HTR2C: variants seen among roughly 807,000 people sequenced by gnomAD.
HTR2C encodes 5-hydroxytryptamine receptor 2C.
HTR2C carries 5 observed loss-of-function variants against 21.0 expected under a neutral mutation model. The ratio of observed to expected loss-of-function variants is 0.24; its 90% CI spans 0.12 to 0.50. The LOEUF is 0.50. Ranked by LOEUF, HTR2C falls within the 20% of genes least tolerant of loss-of-function variation. HTR2C has a pLI of 0.98. For missense variants in HTR2C, 271 were observed against 371.2 expected (o/e 0.73, Z 2.22); for synonymous variants, 150 against 145.3 (o/e 1.03, Z -0.23).
At chrX:114,623,769 T>C (rs782769387) in intron 2 of HTR2C, among the ~76,000 whole-genome samples, 1 of 111,167 alleles carries the variant, frequency 9.0e-6, no homozygotes, top group Admixed American at 9.6e-5. Flanking sequence ...TCTCTTCCTA[T>C]AATTTGTCTC....
intron 4 of HTR2C, among the ~76,000 whole-genome samples, chrX:114,791,784 C>T (rs1456994530): frequency 9.0e-6 from 1 of 110,805 alleles, no homozygotes; most frequent in Non-Finnish European, 1.9e-5. Flanking sequence ...CACACACACG[C>T]ACACACACAA....
chrX:114,841,014 T>G (rs1556465425), intron 4 of HTR2C, among the ~76,000 whole-genome samples: 3 of 111,988 alleles, frequency 2.7e-5, no homozygotes, highest in Non-Finnish European at 5.6e-5. Context: ...TCAGTCTGTA[T>G]CTTGACATAT....
At chrX:114,725,701 T>C (rs1933432391) in intron 2 of HTR2C, among the ~76,000 whole-genome samples, 1 of 110,595 alleles carries the variant, frequency 9.0e-6, no homozygotes, top group African/African-American at 3.3e-5. Flanking sequence ...TTGGTGTGGA[T>C]GTCCTTTCTG....
At chrX:114,669,005 T>C (rs1477662529) in intron 2 of HTR2C, among the ~76,000 whole-genome samples, 1 of 111,364 alleles carries the variant, frequency 9.0e-6, no homozygotes, top group Admixed American at 9.6e-5. Flanking sequence ...GAATAGATAC[T>C]TTCTTTCAAA....
intron 1 of HTR2C, among the ~76,000 whole-genome samples, chrX:114,597,914 G>A (rs1389959547): frequency 8.9e-6 from 1 of 111,753 alleles, no homozygotes; most frequent in Admixed American, 9.5e-5. Flanking sequence ...GAATATTAAT[G>A]ATGAAACTTT....
intron 4 of HTR2C, among the ~76,000 whole-genome samples, chrX:114,814,771 TATA>T (rs1317942027): frequency 4.9e-4 from 50 of 101,861 alleles, no homozygotes; most frequent in South Asian, 7.8e-4. Context: ...TTATAGTATA[TATA>T]ATAATATTAT....
At chrX:114,871,101 C>T (rs1001388480) in intron 5 of HTR2C, among the ~76,000 whole-genome samples, 5 of 109,934 alleles carry the variant, frequency 4.5e-5, no homozygotes, top group Admixed American at 9.8e-5. Context: ...TTGCTGTATC[C>T]CATAGGTTTT....
At chrX:114,653,367 C>T (rs782139188) in intron 2 of HTR2C, among the ~76,000 whole-genome samples, 171 of 110,399 alleles carry the variant, frequency 1.5e-3, no homozygotes, top group Admixed American at 4.6e-3. Context: ...GATCAAAGAT[C>T]TTAGCATATT....
intron 4 of HTR2C, among the ~76,000 whole-genome samples, chrX:114,829,021 G>T (rs180703750): frequency 5.8e-4 from 65 of 111,748 alleles, no homozygotes; most frequent in Non-Finnish European, 1.1e-3. Flanking sequence ...ATAGTGAAAA[G>T]TACCACTATA....
intron 4 of HTR2C, among the ~76,000 whole-genome samples, chrX:114,749,568 T>C (rs1340414305): frequency 9.5e-6 from 1 of 105,276 alleles, no homozygotes; most frequent in South Asian, 4.1e-4. Context: ...TGAAAGAGAA[T>C]TGTAGGATCA....
chrX:114,837,594 T>A (rs782315061), intron 4 of HTR2C, among the ~76,000 whole-genome samples: 79 of 110,994 alleles, frequency 7.1e-4, no homozygotes, highest in Non-Finnish European at 2.5e-4. Flanking sequence ...TAGTTAAACC[T>A]CTAGATTATT....
At chrX:114,835,912 T>G (rs781801958) in intron 4 of HTR2C, among the ~76,000 whole-genome samples, 2,008 of 109,358 alleles carry the variant, frequency 0.018, 48 homozygotes, top group African/African-American at 0.063. Context: ...GTCTGTTAGT[T>G]TTCCTTCTAA....
At chrX:114,716,274 T>C (rs782713844) in intron 2 of HTR2C, among the ~76,000 whole-genome samples, 7 of 112,892 alleles carry the variant, frequency 6.2e-5, no homozygotes, top group African/African-American at 2.2e-4. Flanking sequence ...TTGGGAAGTG[T>C]ATGTTTTTAA....
intron 4 of HTR2C, among the ~76,000 whole-genome samples, chrX:114,802,130 A>T (rs1201084065): frequency 9.0e-6 from 1 of 111,043 alleles, no homozygotes; most frequent in Non-Finnish European, 1.9e-5. Flanking sequence ...TCTGCCTAAT[A>T]AATTAATTTA....
intron 5 of HTR2C, among the ~76,000 whole-genome samples, chrX:114,873,904 C>G (rs893139026): frequency 9.0e-6 from 1 of 111,325 alleles, no homozygotes; most frequent in Non-Finnish European, 1.9e-5. Context: ...TATCTTATAA[C>G]AAAAATTTGT....
intron 2 of HTR2C, among the ~76,000 whole-genome samples, chrX:114,616,159 T>C (rs976202824): frequency 1.8e-5 from 2 of 111,579 alleles, no homozygotes. Flanking sequence ...TAATTCTTAC[T>C]GTAAATAGAA....
intron 4 of HTR2C, among the ~76,000 whole-genome samples, chrX:114,781,365 G>A (rs1157088349): frequency 7.2e-5 from 8 of 110,904 alleles, no homozygotes; most frequent in African/African-American, 2.6e-4. Flanking sequence ...GTGTGGTGGT[G>A]TGTGCCTGTA....
intron 2 of HTR2C, among the ~76,000 whole-genome samples, chrX:114,707,657 C>A (rs1178032768): frequency 9.0e-6 from 1 of 110,689 alleles, no homozygotes; most frequent in Non-Finnish European, 1.9e-5. Flanking sequence ...ACTATTTCTT[C>A]ACTATAAGAA....
intron 2 of HTR2C, among the ~76,000 whole-genome samples, chrX:114,700,755 G>A (rs5988089): frequency 6.1e-4 from 69 of 112,664 alleles, no homozygotes; most frequent in African/African-American, 2.2e-3. Flanking sequence ...GCACGGCGAG[G>A]CATTGCCTCA....
Sources: allele counts gnomAD v4.1 joint callset (sites outside exome capture counted in the v4.1 genomes callset), GRCh38; gene constraint gnomAD v4.1.1; transcripts MANE v1.5; gene names NCBI Gene and HGNC (gene_info 2026-07-23, HGNC 2026-07-21).